ATP6V0D2: variants seen among roughly 807,000 people sequenced by gnomAD.
ATP6V0D2 encodes ATPase H+ transporting V0 subunit d2, also known as V-type proton ATPase subunit d 2.
In ATP6V0D2, 40 loss-of-function variants were observed where a neutral mutation model predicts 40.0. That is an observed-to-expected ratio of 1.00 (90% CI 0.78 to 1.30). The LOEUF (loss-of-function observed/expected upper bound fraction) is 1.30, where lower values mean the gene tolerates loss of function less well. Among genes scored for constraint, ATP6V0D2 ranks in the 50% most tolerant of loss-of-function variants. The pLI is 0.00. For synonymous variants in ATP6V0D2, 179 were observed against 156.3 expected (o/e 1.15, Z -1.08); for missense variants, 470 against 423.1 (o/e 1.11, Z -0.97).
chr8:86,123,311 T>G (rs1349397125), intron 2 of ATP6V0D2, among the ~76,000 whole-genome samples: 1 of 152,208 alleles, frequency 6.6e-6, no homozygotes, highest in Non-Finnish European at 1.5e-5. Flanking sequence ...GCCTAAGATG[T>G]GATATCAAGT....
At chr8:86,114,594 C>T (rs1260173659) in intron 2 of ATP6V0D2, among the ~76,000 whole-genome samples, 1 of 152,126 alleles carries the variant, frequency 6.6e-6, no homozygotes, top group South Asian at 2.1e-4. Flanking sequence ...CGCTTAAAGC[C>T]GGGAGGCGGA....
intron 2 of ATP6V0D2, among the ~76,000 whole-genome samples, chr8:86,130,441 T>C (rs538261341): frequency 6.6e-6 from 1 of 152,334 alleles, no homozygotes; most frequent in East Asian, 1.9e-4. Context: ...TTTCTATGAA[T>C]CTAAAATTAT....
chr8:86,111,449 G>T (rs190033438), intron 1 of ATP6V0D2, among the ~76,000 whole-genome samples: 7 of 152,086 alleles, frequency 4.6e-5, no homozygotes, highest in African/African-American at 1.4e-4. Context: ...GTATCCTATG[G>T]TATATTTATA....
chr8:86,152,691 AT>A (rs1301715968), intron 7 of ATP6V0D2, 124 bp from the exon 8 acceptor site: 1 of 890,482 alleles, frequency 1.1e-6, no homozygotes, highest in Non-Finnish European at 1.6e-6. Context: ...ATTTGGCCCA[AT>A]TTAGAGATTG....
In ATP6V0D2 at chr8:86,154,197, C is replaced by T. The variant is rs767486794; in HGVS notation, c.*1220C>T. 2.0e-5 allele frequency: 3 copies of T among 152,190 alleles called. No homozygotes were observed. Among genetic ancestry groups the T allele is most frequent in the African/African-American group, 4.8e-5 (2 of 41,456 alleles). 9.4% of individuals were successfully genotyped at this position (152,190 alleles called of 1,614,324 possible). The stretch of plus-strand genomic sequence containing the variant: ...TTTGTTAATAAATTTGCTTTTCACA[C>T]CTTTCTTTAAATAAAAGGTATATCT... On this transcript the variant is annotated 3_prime_UTR_variant, in exon 8 of 8. Coordinates refer to ENST00000285393, the MANE Select transcript of ATP6V0D2 (RefSeq NM_152565.1).
At chr8:86,126,236 CTATA>C (rs60590702) in intron 2 of ATP6V0D2, among the ~76,000 whole-genome samples, 14,814 of 77,120 alleles carry the variant, frequency 0.19, 2,046 homozygotes, top group South Asian at 0.28. Context: ...CGTGCTCAGC[CTATA>C]TATATATATA....
At chr8:86,141,605 C>A in intron 4 of ATP6V0D2, 76 bp downstream of exon 4, 2 of 1,052,054 alleles carry the variant, frequency 1.9e-6, no homozygotes, top group Non-Finnish European at 1.4e-6. Flanking sequence ...TTAAAACTTA[C>A]TTTACTCATT....
chr8:86,140,014 A>G (rs758892245), intron 3 of ATP6V0D2, among the ~76,000 whole-genome samples: 2 of 152,206 alleles, frequency 1.3e-5, no homozygotes, highest in African/African-American at 2.4e-5. Flanking sequence ...GCTTGGTTTT[A>G]CAGAATTAGT....
At chr8:86,128,430 T>G (rs1398489603) in intron 2 of ATP6V0D2, among the ~76,000 whole-genome samples, 1 of 152,208 alleles carries the variant, frequency 6.6e-6, no homozygotes, top group Admixed American at 6.5e-5. Context: ...TCACAATGTG[T>G]GTACACAGTG....
chr8:86,105,773 C>T (rs1485819050), intron 1 of ATP6V0D2, among the ~76,000 whole-genome samples: 1 of 151,800 alleles, frequency 6.6e-6, no homozygotes, highest in Admixed American at 6.6e-5. Flanking sequence ...CACCACCACG[C>T]CCGGCTAATT....
chr8:86,145,236 A>AAAGAAAGAAAGAAG (rs1819039507), intron 5 of ATP6V0D2, among the ~76,000 whole-genome samples: 1 of 38,910 alleles, frequency 2.6e-5, no homozygotes, highest in Admixed American at 2.6e-4. Flanking sequence ...AGAAAGAAAG[A>AAAGAAAGAAAGAAG]GAGAGAGAGA....
chr8:86,124,552 AT>A (rs1412039048), intron 2 of ATP6V0D2, among the ~76,000 whole-genome samples: 1 of 152,234 alleles, frequency 6.6e-6, no homozygotes, highest in Non-Finnish European at 1.5e-5. Context: ...AGAAATTCTT[AT>A]AACCAGTAGG....
At chr8:86,131,103 A>G (rs1413677978) in intron 2 of ATP6V0D2, among the ~76,000 whole-genome samples, 1 of 152,018 alleles carries the variant, frequency 6.6e-6, no homozygotes, top group Non-Finnish European at 1.5e-5. Flanking sequence ...TCATACACCT[A>G]TCATTAACAC....
chr8:86,124,052 T>C lies in ATP6V0D2; in HGVS notation c.302+10172T>C, dbSNP rs577261432. On this transcript the variant is annotated intron_variant, in intron 2 of 7. Transcript: ENST00000285393. ...ATTTCTAATAATATGAAATTGGCTTTTTGACACCACCATGCCCTTGTGATC... is the reference window on the plus strand; with the variant it reads ...ATTTCTAATAATATGAAATTGGCTTCTTGACACCACCATGCCCTTGTGATC... 2.6e-5 allele frequency among the ~76,000 whole-genome samples: 4 copies of C among 152,296 alleles called. No homozygotes were observed. The East Asian group carries it at 7.7e-4, about 29-fold the overall frequency.
intron 1 of ATP6V0D2, among the ~76,000 whole-genome samples, chr8:86,105,486 CAG>C (rs1818457404): frequency 6.6e-6 from 1 of 151,992 alleles, no homozygotes; most frequent in Non-Finnish European, 1.5e-5. Context: ...TTTGTAGAGA[CAG>C]GGTTTATTCA....
chr8:86,146,400 T>G (rs915328695), intron 5 of ATP6V0D2, among the ~76,000 whole-genome samples: 1 of 152,080 alleles, frequency 6.6e-6, no homozygotes, highest in Non-Finnish European at 1.5e-5. Context: ...TCAAACAGCA[T>G]TAAAAAAAAA....
At chr8:86,129,907 G>C (rs896989597) in intron 2 of ATP6V0D2, among the ~76,000 whole-genome samples, 2 of 149,780 alleles carry the variant, frequency 1.3e-5, no homozygotes, top group Non-Finnish European at 3.0e-5. Flanking sequence ...AGCCCAGGAG[G>C]TCGAGGCTGC....
chr8:86,131,664 C>T (rs1052281605), intron 2 of ATP6V0D2, among the ~76,000 whole-genome samples: 9 of 151,698 alleles, frequency 5.9e-5, no homozygotes, highest in Non-Finnish European at 1.3e-4. Context: ...CCACGCCCAG[C>T]TAATTCTTGT....
intron 3 of ATP6V0D2, 53 bp downstream of exon 3, chr8:86,139,688 T>C: frequency 6.7e-7 from 1 of 1,485,698 alleles, no homozygotes; most frequent in East Asian, 2.4e-5. Context: ...TCACAGTCAT[T>C]AGAAAATGTA....
Sources: gnomAD v4.1 joint callset for allele counts (sites outside exome capture counted in the v4.1 genomes callset) on GRCh38, gnomAD v4.1.1 for gene constraint, MANE v1.5 for transcripts, NCBI Gene and HGNC (gene_info 2026-07-23, HGNC 2026-07-21) for gene names.